CABIN1: variants seen among roughly 807,000 people sequenced by gnomAD.
CABIN1 encodes calcineurin binding protein 1.
A neutral mutation model predicts 227.7 loss-of-function variants in CABIN1; 133 were observed. That is an observed-to-expected ratio of 0.58 (90% CI 0.51 to 0.67). The LOEUF is 0.67. CABIN1 is among the 30% of genes least tolerant of loss of function. The pLI, the probability that CABIN1 is intolerant of heterozygous loss-of-function variation, is 0.00. For missense variants in CABIN1, 2,408 were observed against 2,852.5 expected, an observed-to-expected ratio of 0.84 and a Z score of 3.55; for synonymous variants, 1,086 against 1,155.1, an observed-to-expected ratio of 0.94 and a Z score of 1.21.
chr22:24,124,123 A>T (rs2043579345), intron 28 of CABIN1, among the ~76,000 whole-genome samples: 1 of 152,190 alleles, frequency 6.6e-6, no homozygotes, highest in South Asian at 2.1e-4. Context: ...CTGGGTTCAG[A>T]TCCTCGCTCC....
intron 16 of CABIN1, among the ~76,000 whole-genome samples, chr22:24,067,496 A>G (rs1342017729): frequency 6.6e-6 from 1 of 152,216 alleles, no homozygotes; most frequent in Non-Finnish European, 1.5e-5. Context: ...TTGTTTATTC[A>G]TCCATCTTGT....
intron 28 of CABIN1, among the ~76,000 whole-genome samples, chr22:24,129,347 G>A (rs760977124): frequency 6.6e-6 from 1 of 152,184 alleles, no homozygotes; most frequent in African/African-American, 2.4e-5. Context: ...AGAGTAGTGC[G>A]AGTTAGTGGG....
At chr22:24,086,464 G>A (rs1007888049) in intron 22 of CABIN1, among the ~76,000 whole-genome samples, 3 of 152,236 alleles carry the variant, frequency 2.0e-5, no homozygotes, top group Admixed American at 6.5e-5. Context: ...GTGGTCTCCC[G>A]TGGGATTGGC....
intron 28 of CABIN1, 138 bp downstream of exon 28, chr22:24,119,836 G>A (rs2147921668): frequency 1.1e-6 from 1 of 912,158 alleles, no homozygotes; most frequent in South Asian, 1.4e-5. Flanking sequence ...AGAGCTGCAG[G>A]AGGCAGGGCC....
At chr22:24,108,717 A>C (rs1197733347) in intron 26 of CABIN1, among the ~76,000 whole-genome samples, 1 of 152,210 alleles carries the variant, frequency 6.6e-6, no homozygotes, top group Non-Finnish European at 1.5e-5. Flanking sequence ...TAAAGAGGCC[A>C]GAGCAGCAGG....
intron 29 of CABIN1, among the ~76,000 whole-genome samples, chr22:24,163,312 C>T (rs1405679599): frequency 6.6e-6 from 1 of 152,144 alleles, no homozygotes; most frequent in Non-Finnish European, 1.5e-5. Flanking sequence ...GCTTTCCTCC[C>T]AGGGCTGCTA....
intron 6 of CABIN1, among the ~76,000 whole-genome samples, chr22:24,044,936 T>G (rs2037726799): frequency 6.6e-6 from 1 of 151,736 alleles, no homozygotes; most frequent in African/African-American, 2.4e-5. Flanking sequence ...TTTTTTTTTT[T>G]TTTTTGAGAT....
Position 24,176,131 on chromosome 22 carries a change from G to A in CABIN1, c.6061G>A (p.Val2021Met). 1 of 1,610,964 alleles carries A rather than the reference G, an allele frequency of 6.2e-7. No individual in the cohort carries two copies. The highest frequency in any genetic ancestry group is 2.2e-5 in the East Asian group (1 of 44,784). Reference sequence around the variant, plus strand: ...CACAGAGGGAGAAGAGCTGGCGAGAGTGGCAGAGGGCACCAGCTTCCCGCC... The same window carrying A: ...CACAGAGGGAGAAGAGCTGGCGAGAATGGCAGAGGGCACCAGCTTCCCGCC... ...LGPEGEELAR[V>M]AEGTSFPPQE... The change falls in exon 35 of 37, where the codon GTG (valine) becomes ATG (methionine). Residue 2021 changes from valine to methionine, a missense_variant. Coordinates refer to ENST00000263119, the MANE Select transcript of CABIN1 (RefSeq NM_012295.4).
chr22:24,023,654 C>T (rs2035878797), intron 1 of CABIN1, among the ~76,000 whole-genome samples: 1 of 151,972 alleles, frequency 6.6e-6, no homozygotes, highest in Non-Finnish European at 1.5e-5. Flanking sequence ...GACTAATTTA[C>T]AATTCCCTGA....
chr22:24,176,178 G>T lies in CABIN1; in HGVS notation c.6108G>T (p.Pro2036=), dbSNP rs751829032. 7 of 1,610,936 alleles carry T rather than the reference G, an allele frequency of 4.3e-6. No individual in the cohort carries two copies. Among genetic ancestry groups the T allele is most frequent in the East Asian group, 2.2e-5 (1 of 44,790 alleles). Residue 2036 remains proline (P), a synonymous_variant, in exon 35 of 37, where the codon CCG becomes CCT. Coordinates refer to ENST00000263119, the MANE Select transcript of CABIN1 (RefSeq NM_012295.4). ...CGCCTCAGGAGCCACGGCACAGTCC[G>T]CAGGTGAAGATGGCCCCCACAAGTT... ...SFPPQEPRHS[P]QVKMAPTSSP...
intron 3 of CABIN1, 151 bp downstream of exon 3, chr22:24,036,332 GT>G (rs2036886034): frequency 1.4e-6 from 1 of 700,298 alleles, no homozygotes; most frequent in South Asian, 1.5e-5. Flanking sequence ...TGTTAAACCT[GT>G]TTTACTTAGC....
Position 24,060,035 on chromosome 22 carries a change from C to T in CABIN1, c.1511C>T (p.Pro504Leu), listed in dbSNP as rs2039078089. ...GGCCACAAGTTCTTGGTAAGGTGGC[C>T]TCCAGGCTTGGCGGAGGTCGTGCTC... is the stretch of plus-strand genomic sequence containing the variant. ...AMGHKFLVRW[P>L]PGLAEVVLSV... is the part of the protein sequence containing the mutation. Residue 504 changes from proline (P) to leucine (L), a missense_variant, in exon 12 of 37, where the codon CCT (proline) becomes CTT (leucine). Pro to Leu is a moderately conservative substitution (Grantham distance 98). Coordinates refer to ENST00000263119, the MANE Select transcript of CABIN1 (RefSeq NM_012295.4). The T allele has an allele frequency of 1.9e-6, 3 of 1,614,164 alleles. No homozygotes were observed. Among genetic ancestry groups the T allele is most frequent in the Non-Finnish European group, 2.5e-6 (3 of 1,180,024 alleles).
chr22:24,157,259 G>A (rs1481452987), intron 29 of CABIN1, among the ~76,000 whole-genome samples: 2 of 152,182 alleles, frequency 1.3e-5, no homozygotes, highest in Non-Finnish European at 2.9e-5. Context: ...AGGACTGCGG[G>A]AGGGGCCAGA....
intron 16 of CABIN1, among the ~76,000 whole-genome samples, 197 bp from the exon 17 acceptor site, chr22:24,070,603 T>C (rs2040013488): frequency 6.6e-6 from 1 of 152,274 alleles, no homozygotes; most frequent in African/African-American, 2.4e-5. Flanking sequence ...TGACATTCTC[T>C]GCTGCCATTG....
intron 26 of CABIN1, among the ~76,000 whole-genome samples, chr22:24,106,007 CTG>C (rs1179807287): frequency 3.9e-5 from 6 of 152,196 alleles, no homozygotes; most frequent in African/African-American, 1.2e-4. Context: ...GGAGGTAGGA[CTG>C]GAGCCAGGCC....
intron 29 of CABIN1, among the ~76,000 whole-genome samples, chr22:24,136,269 AC>A (rs2044387987): frequency 6.6e-6 from 1 of 151,582 alleles, no homozygotes. Flanking sequence ...TACTGTTAGA[AC>A]CCACCCATTC....
chr22:24,081,488 ATAGT>A (rs2040804144), intron 19 of CABIN1, among the ~76,000 whole-genome samples: 1 of 152,194 alleles, frequency 6.6e-6, no homozygotes, highest in Admixed American at 6.5e-5. Flanking sequence ...CATTGCTAAA[ATAGT>A]TTGTGCTTTC....
chr22:24,142,196 C>T (rs957536826), intron 29 of CABIN1, among the ~76,000 whole-genome samples: 1 of 152,088 alleles, frequency 6.6e-6, no homozygotes, highest in African/African-American at 2.4e-5. Flanking sequence ...GCCAGTGCCT[C>T]TCTCCTCAGA....
At chr22:24,156,436 A>G (rs940265885) in intron 29 of CABIN1, 1 of 218,980 alleles carries the variant, frequency 4.6e-6, no homozygotes, top group African/African-American at 2.3e-5. Flanking sequence ...CACACGCGCC[A>G]GCGCATCCAG....
Sources: allele counts gnomAD v4.1 joint callset (sites outside exome capture counted in the v4.1 genomes callset), GRCh38; gene constraint gnomAD v4.1.1; transcripts MANE v1.5; gene names NCBI Gene and HGNC (gene_info 2026-07-23, HGNC 2026-07-21).